Variants in ZNF746 observed in about 807,000 individuals in gnomAD.
The protein encoded by ZNF746 is zinc finger protein 746.
In ZNF746, 13 loss-of-function variants were observed where a neutral mutation model predicts 41.0. That is an observed-to-expected ratio of 0.32 (90% CI 0.21 to 0.50). The LOEUF (loss-of-function observed/expected upper bound fraction) is 0.50. Among genes scored for constraint, ZNF746 ranks in the 20% least tolerant of loss-of-function variants. ZNF746 has a pLI of 0.98. For synonymous variants in ZNF746, 424 were observed against 396.2 expected (o/e 1.07, Z -0.83); for missense variants, 811 against 922.9 (o/e 0.88, Z 1.57).
At chr7:149,479,099 T>C (rs560254003) in intron 4 of ZNF746, among the ~76,000 whole-genome samples, 1 of 152,252 alleles carries the variant, frequency 6.6e-6, no homozygotes, top group East Asian at 1.9e-4. Context: ...AAATGAGTAA[T>C]GGCAATAGGT....
At chr7:149,486,811 G>C (rs535486729) in intron 4 of ZNF746, among the ~76,000 whole-genome samples, 1 of 152,166 alleles carries the variant, frequency 6.6e-6, no homozygotes, top group Non-Finnish European at 1.5e-5. Context: ...TTCAAGCTGT[G>C]GTCTCTCTCA....
intron 4 of ZNF746, among the ~76,000 whole-genome samples, chr7:149,485,545 G>A (rs1280660534): frequency 6.6e-6 from 1 of 152,164 alleles, no homozygotes; most frequent in Admixed American, 6.5e-5. Flanking sequence ...ATATGAGAAG[G>A]TGCACTGGTG....
At chr7:149,479,403 C>T (rs1018455574) in intron 4 of ZNF746, among the ~76,000 whole-genome samples, 1 of 152,108 alleles carries the variant, frequency 6.6e-6, no homozygotes, top group Admixed American at 6.5e-5. Context: ...GAGGCTAAGA[C>T]AATTTTTATT....
rs750932695 is a variant in ZNF746, at chr7:149,475,128, G to A, written c.1239C>T (p.Pro413=). 26 of 1,611,992 alleles carry A rather than the reference G, an allele frequency of 1.6e-5. No homozygotes were observed. Among genetic ancestry groups the A allele is most frequent in the South Asian group, 2.2e-5 (2 of 90,860 alleles). Residue 413 remains proline (P), a synonymous_variant, in exon 7 of 7, where the codon CCC becomes CCT. Coordinates refer to ENST00000458143, the MANE Select transcript of ZNF746 (RefSeq NM_001394198.1). The part of the protein sequence containing the change: ...PPVGLNPRTG[P]EGLPYSSPDN... ...CCGGGGAGGAGTAAGGAAGCCCCTC[G>A]GGCCCCGTCCTCGGGTTCAGGCCCA...
chr7:149,490,644 AG>A (rs1391193277), intron 4 of ZNF746: 1 of 152,700 alleles, frequency 6.5e-6, no homozygotes, highest in East Asian at 1.9e-4. Flanking sequence ...GGAGGCGGCC[AG>A]GGAGTGGTGT....
chr7:149,474,149 C>A lies in ZNF746; in HGVS notation c.*235G>T. On this transcript the variant is annotated 3_prime_UTR_variant, in exon 7 of 7. Transcript: ENST00000458143. This position sits in a 1 kb window ranked among gnomAD's most constrained non-coding sequence, Gnocchi z 6.3. ...AAAAACAAAAAACAAAACAGGTTTG[C>A]AATTAAATTACTTAAAATTCTACGG... is the stretch of plus-strand genomic sequence containing the variant. The A allele has an allele frequency of 1.9e-6, 1 of 538,966 alleles. No individual in the cohort carries two copies. The highest frequency in any genetic ancestry group is 3.2e-6 in the Non-Finnish European group (1 of 307,892). The allele number at this position is 538,966 out of a possible 1,614,324, so 33.4% of individuals were successfully genotyped here.
chr7:149,497,372 G>T lies in ZNF746; in HGVS notation c.24+141C>A, dbSNP rs1801042727. 1.0e-6 allele frequency: 1 copy of T among 991,514 alleles called. No individual in the cohort carries two copies. The highest frequency in any genetic ancestry group is 1.2e-6 in the Non-Finnish European group (1 of 829,164). The allele number at this position is 991,514 out of a possible 1,614,324, so 61.4% of individuals were successfully genotyped here. On this transcript the variant is annotated intron_variant, in intron 1 of 6. Transcript: ENST00000458143. The surrounding 1 kb of genome is among the most constrained non-coding windows in gnomAD (Gnocchi z 4.2). ...CGCAGTAGGCCCCGGCGGACCCCGC[G>T]CCCCATTCGCGGGAGCCCCAGGCCC... is the stretch of plus-strand genomic sequence containing the variant.
At chr7:149,492,688 A>G (rs1356053660) in intron 4 of ZNF746, among the ~76,000 whole-genome samples, 171 bp downstream of exon 4, 1 of 151,988 alleles carries the variant, frequency 6.6e-6, no homozygotes, top group Admixed American at 6.5e-5. Flanking sequence ...CTGGAGCATT[A>G]GCTGACTAAG....
chr7:149,492,347 C>T (rs1463175237), intron 4 of ZNF746, among the ~76,000 whole-genome samples: 2 of 152,192 alleles, frequency 1.3e-5, no homozygotes, highest in African/African-American at 4.8e-5. Context: ...TTCCTAGTAA[C>T]ATTTTCTTTT....
intron 4 of ZNF746, chr7:149,478,007 G>A (rs1585723333): frequency 2.4e-6 from 1 of 411,672 alleles, no homozygotes; most frequent in Non-Finnish European, 4.3e-6. Flanking sequence ...CACATTCTCA[G>A]GGCTAGGCTG....
intron 4 of ZNF746, chr7:149,488,658 T>TCAC (rs988579201): frequency 1.3e-5 from 2 of 152,304 alleles, no homozygotes; most frequent in African/African-American, 4.8e-5. Context: ...AGAGGCCATC[T>TCAC]CACCCCCATC....
Position 149,477,736 on chromosome 7 carries a change from G to T in ZNF746, c.585C>A (p.Pro195=), listed in dbSNP as rs769593400. 1 of 1,606,622 alleles carries T rather than the reference G, an allele frequency of 6.2e-7. No individual in the cohort carries two copies. The highest frequency in any genetic ancestry group is 1.3e-5 in the African/African-American group (1 of 74,856). ...DPSPGSGPPV[P]APDLLMQIKQ... is the part of the protein sequence containing the mutation. Reference sequence around the variant, plus strand: ...TGATCTGCATCAAGAGGTCTGGGGCGGGAACTGGGGGCCCCGAGCCTAGGA... The same window carrying T: ...TGATCTGCATCAAGAGGTCTGGGGCTGGAACTGGGGGCCCCGAGCCTAGGA... The change falls in exon 5 of 7, where the codon CCC becomes CCA. Residue 195 remains proline (P), a synonymous_variant. Coordinates refer to ENST00000458143, the MANE Select transcript of ZNF746 (RefSeq NM_001394198.1).
intron 6 of ZNF746, 141 bp from the exon 7 acceptor site, chr7:149,475,624 A>C: frequency 7.3e-7 from 1 of 1,372,344 alleles, no homozygotes. Flanking sequence ...AGGGCAGCTC[A>C]GCAGAGCAGC....
At chr7:149,476,793 G>A (rs1350067898) in intron 6 of ZNF746, 129 bp downstream of exon 6, 2 of 1,262,958 alleles carry the variant, frequency 1.6e-6, no homozygotes, top group East Asian at 4.7e-5. Context: ...AGGGTCATAA[G>A]AGTGCAGACA....
intron 4 of ZNF746, chr7:149,491,510 C>G (rs1418442011): frequency 4.5e-6 from 1 of 220,488 alleles, no homozygotes; most frequent in Non-Finnish European, 9.3e-6. Flanking sequence ...TCTTTCTGTC[C>G]TCTAGTGTTC....
intron 6 of ZNF746, among the ~76,000 whole-genome samples, chr7:149,476,618 C>T (rs1162594742): frequency 6.6e-6 from 1 of 152,124 alleles, no homozygotes; most frequent in African/African-American, 2.4e-5. Context: ...AGAGAGAAGC[C>T]ACAGTTTCCT....
Position 149,494,190 on chromosome 7 carries a change from C to T in ZNF746, c.324+14G>A, listed in dbSNP as rs746607793. On this transcript the variant is annotated intron_variant, in intron 2 of 6. Transcript: ENST00000458143. The surrounding 1 kb of genome is among the most constrained non-coding windows in gnomAD (Gnocchi z 5.6). ...CCGCTTGGGCTCCCACACCCCAAGG[C>T]GTCCCAGGGCTACCTTAGGGGACTC... The T allele has an allele frequency of 5.5e-5, 89 of 1,613,736 alleles. No individual in the cohort carries two copies. The highest frequency in any genetic ancestry group is 2.1e-4 in the South Asian group (19 of 91,070).
At chr7:149,493,389 G>T (rs1296292813) in intron 3 of ZNF746, among the ~76,000 whole-genome samples, 12 of 152,166 alleles carry the variant, frequency 7.9e-5, no homozygotes, top group Admixed American at 7.9e-4. Context: ...TCTCTAACAG[G>T]TCTCACTGCC....
chr7:149,479,688 G>A (rs780635331), intron 4 of ZNF746, among the ~76,000 whole-genome samples: 3 of 152,164 alleles, frequency 2.0e-5, no homozygotes, highest in Non-Finnish European at 2.9e-5. Flanking sequence ...TCTGACATAT[G>A]GCTGGCTAGA....
Sources: allele counts gnomAD v4.1 joint callset (sites outside exome capture counted in the v4.1 genomes callset), GRCh38; gene constraint gnomAD v4.1.1; non-coding constraint Gnocchi (gnomAD v3.1); transcripts MANE v1.5; gene names NCBI Gene and HGNC (gene_info 2026-07-23, HGNC 2026-07-21).